Variants in CTNNA3 observed in about 807,000 individuals in gnomAD.
The protein encoded by CTNNA3 is catenin alpha 3.
Under a neutral mutation model 95.7 loss-of-function variants are expected in CTNNA3, and 76 were observed. The observed-to-expected ratio is 0.79, with a 90% confidence interval of 0.66 to 0.96. The LOEUF is 0.96. Ranked by LOEUF, CTNNA3 falls within the 40% of genes least tolerant of loss-of-function variation. The probability of loss-of-function intolerance (pLI) is 0.00; values close to 1 mark genes in which losing one functional copy is unlikely to be tolerated. For synonymous variants in CTNNA3, 431 were observed against 374.4 expected (o/e 1.15, Z -1.74); for missense variants, 1,191 against 1,089.8 (o/e 1.09, Z -1.31).
intron 14 of CTNNA3, among the ~76,000 whole-genome samples, chr10:66,092,378 C>T (rs2081244149): frequency 2.0e-5 from 3 of 151,912 alleles, no homozygotes; most frequent in Admixed American, 6.6e-5. Flanking sequence ...CCTCCAATGG[C>T]TTCTCATTCT....
intron 11 of CTNNA3, among the ~76,000 whole-genome samples, chr10:66,428,640 C>A (rs1379701739): frequency 3.6e-5 from 5 of 139,744 alleles, no homozygotes; most frequent in Non-Finnish European, 7.9e-5. Flanking sequence ...GAACAACCTG[C>A]TCCTGAATGA....
At chr10:67,128,819 T>G (rs1424555534) in intron 7 of CTNNA3, among the ~76,000 whole-genome samples, 1 of 152,152 alleles carries the variant, frequency 6.6e-6, no homozygotes, top group Non-Finnish European at 1.5e-5. Flanking sequence ...CTCAAGTATT[T>G]AAGACTTTTT....
chr10:66,338,142 T>C (rs1285100774), intron 12 of CTNNA3, among the ~76,000 whole-genome samples: 1 of 152,044 alleles, frequency 6.6e-6, no homozygotes, highest in Non-Finnish European at 1.5e-5. Context: ...AGTTTTGATA[T>C]ATGCTACACC....
chr10:67,739,222 C>A (rs1841320823), intron 1 of CTNNA3, among the ~76,000 whole-genome samples: 1 of 152,140 alleles, frequency 6.6e-6, no homozygotes, highest in Admixed American at 6.6e-5. Flanking sequence ...AAGGGAAGCC[C>A]ATCAGACTAA....
intron 5 of CTNNA3, among the ~76,000 whole-genome samples, chr10:67,444,028 TC>T (rs1285169647): frequency 6.6e-6 from 1 of 152,192 alleles, no homozygotes. Context: ...TAATATTTAA[TC>T]TGTGCTATAG....
intron 3 of CTNNA3, among the ~76,000 whole-genome samples, chr10:67,569,607 C>A (rs967503355): frequency 6.6e-6 from 1 of 152,068 alleles, no homozygotes; most frequent in African/African-American, 2.4e-5. Context: ...GGCACCACAG[C>A]GTAGCCATTT....
chr10:66,434,166 T>C lies in CTNNA3; in HGVS notation c.1532-54814A>G, dbSNP rs181699505. ...CATATGAACTTTAAAGTAGTTTTTT[T>C]CTAATTCTGTGAAAAAAGTCAATGG... On this transcript the variant is annotated intron_variant, in intron 11 of 17. Coordinates refer to ENST00000433211, the MANE Select transcript of CTNNA3 (RefSeq NM_013266.4). Among the ~76,000 whole-genome samples, 318 of 150,280 alleles carry C rather than the reference T, an allele frequency of 2.1e-3. 1 individual carries two copies. Among genetic ancestry groups the C allele is most frequent in the South Asian group, 5.3e-3 (25 of 4,716 alleles).
At chr10:67,002,073 A>G (rs555811301) in intron 7 of CTNNA3, among the ~76,000 whole-genome samples, 1 of 152,258 alleles carries the variant, frequency 6.6e-6, no homozygotes, top group South Asian at 2.1e-4. Context: ...AACTTTTAGG[A>G]GCTCAGTTTC....
upstream of CTNNA3, among the ~76,000 whole-genome samples, chr10:67,697,285 C>A (rs1324876272): frequency 6.6e-6 from 1 of 152,172 alleles, no homozygotes; most frequent in Non-Finnish European, 1.5e-5. Flanking sequence ...CCTGGAGAAT[C>A]TAGGAATAGC....
At chr10:66,472,957 A>C (rs895952120) in intron 11 of CTNNA3, among the ~76,000 whole-genome samples, 5 of 151,968 alleles carry the variant, frequency 3.3e-5, no homozygotes, top group African/African-American at 1.2e-4. Context: ...ATAAAATGAC[A>C]TTGGTAGAAA....
At chr10:67,563,534 G>T (rs568139979) in intron 3 of CTNNA3, among the ~76,000 whole-genome samples, 1 of 151,904 alleles carries the variant, frequency 6.6e-6, no homozygotes, top group Non-Finnish European at 1.5e-5. Flanking sequence ...AAAACCATAA[G>T]AGCCCTAGAA....
intron 5 of CTNNA3, among the ~76,000 whole-genome samples, chr10:67,374,915 T>A (rs763363790): frequency 6.6e-6 from 1 of 152,144 alleles, no homozygotes; most frequent in Admixed American, 6.5e-5. Flanking sequence ...CAAATATATA[T>A]CTCTTAAGAA....
chr10:66,578,011 T>C (rs1843060828), intron 10 of CTNNA3, among the ~76,000 whole-genome samples: 1 of 152,024 alleles, frequency 6.6e-6, no homozygotes, highest in Non-Finnish European at 1.5e-5. Context: ...CAGCATTGTT[T>C]TGTAATTCTC....
At chr10:67,690,102 T>A (rs1006854057) in intron 1 of CTNNA3, among the ~76,000 whole-genome samples, 6 of 152,188 alleles carry the variant, frequency 3.9e-5, no homozygotes, top group Non-Finnish European at 8.8e-5. Context: ...GATGTTCATA[T>A]GTGTCCGGAG....
chr10:67,737,718 C>T (rs1444249025), intron 1 of CTNNA3, among the ~76,000 whole-genome samples: 4 of 152,140 alleles, frequency 2.6e-5, no homozygotes, highest in Admixed American at 6.6e-5. Context: ...CCATCTCACA[C>T]CAGTTAGAAT....
At chr10:66,737,453 C>A (rs575888282) in intron 9 of CTNNA3, among the ~76,000 whole-genome samples, 1 of 152,162 alleles carries the variant, frequency 6.6e-6, no homozygotes, top group South Asian at 2.1e-4. Context: ...TTTATTGGAG[C>A]ATATTTTCAA....
chr10:66,223,797 G>A (rs2089108557), intron 13 of CTNNA3, among the ~76,000 whole-genome samples: 1 of 152,160 alleles, frequency 6.6e-6, no homozygotes, highest in Non-Finnish European at 1.5e-5. Context: ...CTTTCAGCCT[G>A]TTTCTGGATG....
intron 7 of CTNNA3, among the ~76,000 whole-genome samples, chr10:66,805,195 A>T (rs986331125): frequency 6.6e-6 from 1 of 151,920 alleles, no homozygotes; most frequent in Non-Finnish European, 1.5e-5. Flanking sequence ...GGATTCTTCT[A>T]ATCTTTGTCA....
rs548247054 is a variant in CTNNA3 at position 66,153,900 on chromosome 10, T to C, written c.1885-50651A>G. Reference sequence around the variant, plus strand: ...ACACATACCTATATAATATAAATTATACATAATAAGTTTTTTTGTTTATAG... The same window carrying C: ...ACACATACCTATATAATATAAATTACACATAATAAGTTTTTTTGTTTATAG... On this transcript the variant is annotated intron_variant, in intron 13 of 17. Coordinates refer to ENST00000433211, the MANE Select transcript of CTNNA3 (RefSeq NM_013266.4). Among the ~76,000 whole-genome samples the C allele has an allele frequency of 7.9e-5, 12 of 151,438 alleles. No individual in the cohort carries two copies. In the South Asian group the frequency reaches 2.1e-3, roughly 26 times the overall value.
Sources: allele counts gnomAD v4.1 joint callset (sites outside exome capture counted in the v4.1 genomes callset), GRCh38; gene constraint gnomAD v4.1.1; transcripts MANE v1.5; gene names NCBI Gene and HGNC (gene_info 2026-07-23, HGNC 2026-07-21).